Variants in OPHN1 observed in about 807,000 individuals in gnomAD.
The protein encoded by OPHN1 is oligophrenin-1.
A neutral mutation model predicts 60.7 loss-of-function variants in OPHN1; 11 were observed. That is an observed-to-expected ratio of 0.18 (90% CI 0.11 to 0.30). The LOEUF is 0.30. OPHN1 is among the 10% of genes least tolerant of loss of function. The probability of loss-of-function intolerance (pLI) is 1.00; values close to 1 mark genes in which losing one functional copy is unlikely to be tolerated. For missense variants in OPHN1, 449 were observed against 611.0 expected, an observed-to-expected ratio of 0.73 and a Z score of 2.80; for synonymous variants, 226 against 222.6, an observed-to-expected ratio of 1.02 and a Z score of -0.14.
At chrX:68,153,768 C>T (rs2077296384) in intron 15 of OPHN1, among the ~76,000 whole-genome samples, 1 of 111,608 alleles carries the variant, frequency 9.0e-6, no homozygotes, top group African/African-American at 3.3e-5. Flanking sequence ...ATTATAATAA[C>T]CCTCAGCCAC....
rs1037489706 is a variant in OPHN1 at position 68,178,209 on chromosome X, T to C, written c.1276+14710A>G. Among the ~76,000 whole-genome samples, 25 of 111,731 alleles carry C rather than the reference T, an allele frequency of 2.2e-4. No homozygotes were observed. The Admixed American group carries it at 2.3e-3, about 10-fold the overall frequency. Reference sequence around the variant, plus strand: ...AAATTTCCTAATCATATCAACCCTTTAATTTATTTTTTAAACTAGCTCTTT... The same window carrying C: ...AAATTTCCTAATCATATCAACCCTTCAATTTATTTTTTAAACTAGCTCTTT... On this transcript the variant is annotated intron_variant, in intron 15 of 24. Transcript: ENST00000355520.
At chrX:68,420,409 T>G (rs2078820840) in intron 2 of OPHN1, among the ~76,000 whole-genome samples, 1 of 111,984 alleles carries the variant, frequency 8.9e-6, no homozygotes, top group African/African-American at 3.2e-5. Context: ...GGAGGTAATT[T>G]AACACATTTC....
intron 3 of OPHN1, among the ~76,000 whole-genome samples, chrX:68,298,177 A>T (rs1351625377): frequency 2.7e-5 from 3 of 111,688 alleles, no homozygotes; most frequent in Non-Finnish European, 5.6e-5. Flanking sequence ...AGGAATCAGC[A>T]AACTTTTTCT....
chrX:68,209,951 A>G (rs185567146), intron 9 of OPHN1: 2 of 472,087 alleles, frequency 4.2e-6, no homozygotes, highest in Non-Finnish European at 7.4e-6. Context: ...ATCACTACAC[A>G]GCCTTTGTAA....
chrX:68,323,581 T>G (rs2078245693), intron 2 of OPHN1, among the ~76,000 whole-genome samples: 1 of 112,083 alleles, frequency 8.9e-6, no homozygotes, highest in Non-Finnish European at 1.9e-5. Flanking sequence ...AGGGCAAAGA[T>G]TTTTATCTAT....
At chrX:68,106,487 T>G (rs1222114125) in intron 18 of OPHN1, among the ~76,000 whole-genome samples, 3 of 111,557 alleles carry the variant, frequency 2.7e-5, no homozygotes, top group Non-Finnish European at 5.7e-5. Context: ...GAACAGGTTG[T>G]TCAAGTCTTT....
At chrX:68,049,990 T>C (rs1490461638) in intron 23 of OPHN1, among the ~76,000 whole-genome samples, 1 of 112,287 alleles carries the variant, frequency 8.9e-6, no homozygotes, top group African/African-American at 3.2e-5. Context: ...CGCTAGGCCG[T>C]AGTCAGGTAT....
intron 2 of OPHN1, among the ~76,000 whole-genome samples, chrX:68,356,141 G>A (rs1245871739): frequency 9.0e-6 from 1 of 111,073 alleles, no homozygotes; most frequent in Non-Finnish European, 1.9e-5. Flanking sequence ...TATTCTGGAT[G>A]TTTCTGTAGG....
intron 9 of OPHN1, among the ~76,000 whole-genome samples, chrX:68,209,297 C>A (rs1299196486): frequency 1.8e-5 from 2 of 112,304 alleles, no homozygotes; most frequent in Non-Finnish European, 3.8e-5. Context: ...TTTACTTAGT[C>A]ACCAATGAAA....
chrX:68,380,372 A>G (rs867628203), intron 2 of OPHN1, among the ~76,000 whole-genome samples: 10 of 111,190 alleles, frequency 9.0e-5, no homozygotes, highest in Middle Eastern at 4.6e-3. Flanking sequence ...GATCCTTTCA[A>G]AAAACGAGCT....
At chrX:68,117,582 ATAAT>A (rs960102992) in intron 16 of OPHN1, among the ~76,000 whole-genome samples, 14 of 111,924 alleles carry the variant, frequency 1.3e-4, no homozygotes, top group African/African-American at 4.5e-4. Context: ...TGGCTGGAGC[ATAAT>A]TACATACTCG....
intron 15 of OPHN1, among the ~76,000 whole-genome samples, chrX:68,168,038 T>C (rs774354258): frequency 3.6e-5 from 4 of 110,450 alleles, no homozygotes; most frequent in Non-Finnish European, 5.7e-5. Context: ...ACAACTGAAA[T>C]CATGGACATA....
chrX:68,172,896 T>C (rs1250473335), intron 15 of OPHN1, among the ~76,000 whole-genome samples: 1 of 111,340 alleles, frequency 9.0e-6, no homozygotes, highest in Non-Finnish European at 1.9e-5. Context: ...CAGTTTCCAG[T>C]TCTCTGTCTC....
chrX:68,325,413 A>C (rs1288843323), intron 2 of OPHN1, among the ~76,000 whole-genome samples: 1 of 106,076 alleles, frequency 9.4e-6, no homozygotes, highest in Non-Finnish European at 1.9e-5. Flanking sequence ...AAAAATTATG[A>C]TATGACACAG....
rs2077560383 is a variant in OPHN1 at position 68,206,572 on chromosome X, C to T, written c.933+1G>A. The T allele has an allele frequency of 8.3e-7, 1 of 1,198,877 alleles. No individual in the cohort carries two copies. Among genetic ancestry groups the T allele is most frequent in the Admixed American group, 2.2e-5 (1 of 45,730 alleles). On this transcript the variant is annotated splice_donor_variant, in intron 10 of 24. Transcript: ENST00000355520. LOFTEE classifies it high-confidence loss of function. ...AAAATATGGTGCAAACAAGAACTGACCTGCTTAGCACCTGGCTTCTGCTCC... is the reference window on the plus strand; with the variant it reads ...AAAATATGGTGCAAACAAGAACTGATCTGCTTAGCACCTGGCTTCTGCTCC...
chrX:68,296,073 G>A (rs1197116300), intron 3 of OPHN1, among the ~76,000 whole-genome samples: 2 of 110,990 alleles, frequency 1.8e-5, no homozygotes, highest in Non-Finnish European at 3.8e-5. Context: ...TCCCAGTAGG[G>A]TCCCCAGTAT....
chrX:68,235,551 C>T (rs1194286766), intron 5 of OPHN1, among the ~76,000 whole-genome samples: 1 of 110,488 alleles, frequency 9.1e-6, no homozygotes, highest in Non-Finnish European at 1.9e-5. Context: ...AAGAAATGTG[C>T]TTTTGGCCGG....
intron 2 of OPHN1, among the ~76,000 whole-genome samples, chrX:68,359,586 G>T (rs1017312886): frequency 9.0e-6 from 1 of 110,993 alleles, no homozygotes; most frequent in Non-Finnish European, 1.9e-5. Context: ...GCCGGGTGCA[G>T]TGACTCAAGC....
chrX:68,193,928 T>C lies in OPHN1; in HGVS notation c.1163A>G (p.Lys388Arg). 1 of 1,209,157 alleles carries C rather than the reference T, an allele frequency of 8.3e-7. No individual in the cohort carries two copies. Among genetic ancestry groups the C allele is most frequent in the East Asian group, 3.0e-5 (1 of 33,802 alleles). The change falls in exon 14 of 25, where the codon AAG (lysine) becomes AGG (arginine). Residue 388 changes from lysine (K) to arginine (R), a missense_variant. Transcript: ENST00000355520. ...QEMELNEVGFKFVRKCINIIE... is the reference protein window; with the variant it reads ...QEMELNEVGFRFVRKCINIIE... ...AATATTGATGCACTTCCTGACAAAC[T>C]TGAAGCCCACTTCATTTAGCTCCAC...
Sources: allele counts gnomAD v4.1 joint callset (sites outside exome capture counted in the v4.1 genomes callset), GRCh38; gene constraint gnomAD v4.1.1; transcripts MANE v1.5; gene names NCBI Gene and HGNC (gene_info 2026-07-23, HGNC 2026-07-21).